Variants in TMC7 observed in about 807,000 individuals in gnomAD.
The protein encoded by TMC7 is transmembrane channel-like protein 7.
TMC7 carries 54 observed loss-of-function variants against 82.9 expected under a neutral mutation model. The observed-to-expected ratio is 0.65, with a 90% CI of 0.52 to 0.82. The LOEUF (loss-of-function observed/expected upper bound fraction) is 0.82, where lower values mean the gene tolerates loss of function less well. Ranked by LOEUF, TMC7 falls within the 40% of genes least tolerant of loss-of-function variation. The pLI is 0.00. For synonymous variants in TMC7, 350 were observed against 337.9 expected (o/e 1.04, Z -0.39); for missense variants, 820 against 901.2 (o/e 0.91, Z 1.15).
intron 12 of TMC7, among the ~76,000 whole-genome samples, chr16:19,050,820 T>C (rs1181858404): frequency 2.0e-5 from 3 of 152,116 alleles, no homozygotes; most frequent in Non-Finnish European, 4.4e-5. Flanking sequence ...TTTAGGACTG[T>C]ATGGTATTTC....
chr16:19,015,853 G>A (rs1959660811), intron 2 of TMC7, among the ~76,000 whole-genome samples: 1 of 152,032 alleles, frequency 6.6e-6, no homozygotes, highest in Non-Finnish European at 1.5e-5. Context: ...TTGGATTACA[G>A]GCATGAGCCA....
At chr16:18,990,313 G>A (rs546722167) in intron 1 of TMC7, among the ~76,000 whole-genome samples, 6 of 152,282 alleles carry the variant, frequency 3.9e-5, no homozygotes, top group African/African-American at 9.6e-5. Flanking sequence ...AGTCACAGGG[G>A]ATGCAATGGC....
chr16:18,994,524 G>A (rs1300724027), intron 1 of TMC7, among the ~76,000 whole-genome samples: 1 of 152,000 alleles, frequency 6.6e-6, no homozygotes, highest in Non-Finnish European at 1.5e-5. Context: ...GTGGGGATGA[G>A]TTAGGGAGAG....
At chr16:18,984,168 TG>T in intron 1 of TMC7, 38 bp downstream of exon 1, 1 of 1,473,432 alleles carries the variant, frequency 6.8e-7, no homozygotes, top group South Asian at 1.3e-5. Context: ...ACGGTGCCCC[TG>T]GGGTCCGAGG....
intron 1 of TMC7, among the ~76,000 whole-genome samples, chr16:18,999,017 G>A (rs1160836560): frequency 6.6e-6 from 1 of 152,282 alleles, no homozygotes; most frequent in African/African-American, 2.4e-5. Context: ...GCTCTGGGCT[G>A]CTGTGATTGA....
In TMC7 at chr16:19,030,202, C is replaced by A. The variant is rs776979452; in HGVS notation, c.712-22C>A. On this transcript the variant is annotated intron_variant, in intron 5 of 15. Transcript: ENST00000304381. ...TGCAGTAAGCTGACCAGTCTGACTT[C>A]ATGCTCTTGGCTTCGTTTCAGGGTT... The A allele has an allele frequency of 3.1e-6, 5 of 1,604,988 alleles. No homozygotes were observed. In the South Asian group the frequency reaches 5.6e-5, roughly 18 times the overall value.
chr16:19,017,738 C>T (rs1294028962), intron 3 of TMC7, among the ~76,000 whole-genome samples: 2 of 145,450 alleles, frequency 1.4e-5, no homozygotes, highest in Non-Finnish European at 1.5e-5. Flanking sequence ...GGTGCAATCT[C>T]GGCTCACTGC....
intron 1 of TMC7, among the ~76,000 whole-genome samples, chr16:18,986,177 C>T (rs1266995591): frequency 3.3e-5 from 5 of 151,986 alleles, no homozygotes; most frequent in East Asian, 3.9e-4. Context: ...GGGCAGATCA[C>T]GAGGTCAGGA....
chr16:19,037,179 G>A (rs1284231470), intron 7 of TMC7, among the ~76,000 whole-genome samples: 1 of 151,796 alleles, frequency 6.6e-6, no homozygotes, highest in African/African-American at 2.4e-5. Context: ...GTCAGGGTCA[G>A]GAGATTGAGA....
intron 7 of TMC7, 94 bp downstream of exon 7, chr16:19,035,917 G>A (rs1960726453): frequency 5.7e-6 from 8 of 1,410,252 alleles, no homozygotes; most frequent in Middle Eastern, 2.6e-4. Context: ...ATCAAGGGTC[G>A]GGGACAGGTT....
At chr16:19,031,635 C>T (rs905758142) in intron 6 of TMC7, among the ~76,000 whole-genome samples, 2 of 152,150 alleles carry the variant, frequency 1.3e-5, no homozygotes, top group Non-Finnish European at 2.9e-5. Flanking sequence ...CGTACCACTG[C>T]ACTCCAGCCT....
chr16:19,003,568 TGGC>T (rs1207257599), intron 1 of TMC7, among the ~76,000 whole-genome samples: 1 of 147,810 alleles, frequency 6.8e-6, no homozygotes, highest in African/African-American at 2.5e-5. Flanking sequence ...AGGATGACAA[TGGC>T]GGCTTTGTGG....
intron 1 of TMC7, among the ~76,000 whole-genome samples, chr16:18,993,274 G>C (rs1440508481): frequency 6.6e-6 from 1 of 152,192 alleles, no homozygotes; most frequent in Non-Finnish European, 1.5e-5. Flanking sequence ...CCAAGAGGGA[G>C]TCAAGAGTGG....
intron 1 of TMC7, among the ~76,000 whole-genome samples, chr16:19,000,365 G>T (rs2039120919): frequency 6.6e-6 from 1 of 152,128 alleles, no homozygotes; most frequent in African/African-American, 2.4e-5. Context: ...TACTTGGGAG[G>T]CTGAGGCAGG....
intron 8 of TMC7, among the ~76,000 whole-genome samples, 192 bp from the exon 9 acceptor site, chr16:19,040,097 C>A (rs1301673277): frequency 5.9e-5 from 6 of 101,674 alleles, no homozygotes; most frequent in Admixed American, 1.6e-4. Flanking sequence ...GCCTGGGTGA[C>A]AGAAGGAGAC....
At chr16:19,002,163 A>C (rs1365800555) in intron 1 of TMC7, among the ~76,000 whole-genome samples, 1 of 151,004 alleles carries the variant, frequency 6.6e-6, no homozygotes, top group Non-Finnish European at 1.5e-5. Flanking sequence ...GGACCTCAGG[A>C]TGCTCACCAG....
intron 8 of TMC7, among the ~76,000 whole-genome samples, chr16:19,038,543 G>C (rs1469512188): frequency 2.6e-5 from 4 of 151,346 alleles, no homozygotes; most frequent in African/African-American, 9.7e-5. Flanking sequence ...TTGAGACAGA[G>C]TCTCACTCTG....
At chr16:19,040,168 T>G in intron 8 of TMC7, 121 bp from the exon 9 acceptor site, 5 of 671,284 alleles carry the variant, frequency 7.4e-6, no homozygotes, top group Non-Finnish European at 1.2e-5. Context: ...TTACAGGCCA[T>G]GTTGAATGAC....
rs879632497 is a variant in TMC7 at position 19,038,203 on chromosome 16, A to AT, written c.1179+165dup. ...AGAGGTGATCAGTTTCCACTTTTTT[A>AT]TTTTTTTTTGAGATGGAGTTTTGCT... is the stretch of plus-strand genomic sequence containing the variant. On this transcript the variant is annotated intron_variant, in intron 8 of 15. Coordinates refer to ENST00000304381, the MANE Select transcript of TMC7 (RefSeq NM_024847.4). 6.2e-4 allele frequency among the ~76,000 whole-genome samples: 94 copies of AT among 150,712 alleles called. 1 individual carries two copies. The highest frequency in any genetic ancestry group is 3.0e-4 in the Non-Finnish European group (20 of 67,490).
Sources: allele counts gnomAD v4.1 joint callset (sites outside exome capture counted in the v4.1 genomes callset), GRCh38; gene constraint gnomAD v4.1.1; transcripts MANE v1.5; gene names NCBI Gene and HGNC (gene_info 2026-07-23, HGNC 2026-07-21).